Variants in CACNG4 observed in about 807,000 individuals in gnomAD.
CACNG4 encodes the protein calcium voltage-gated channel auxiliary subunit gamma 4.
Under a neutral mutation model 22.9 loss-of-function variants are expected in CACNG4, and 8 were observed. The observed-to-expected ratio is 0.35, with a 90% CI of 0.21 to 0.63. The LOEUF is 0.63. Ranked by LOEUF, CACNG4 falls within the 30% of genes least tolerant of loss-of-function variation. The pLI, the probability that CACNG4 is intolerant of heterozygous loss-of-function variation, is 0.72. For synonymous variants in CACNG4, 188 were observed against 191.9 expected, an observed-to-expected ratio of 0.98 and a Z score of 0.17; for missense variants, 357 against 455.4, an observed-to-expected ratio of 0.78 and a Z score of 1.97.
At chr17:66,980,541 C>CA (rs2035265488) in intron 1 of CACNG4, among the ~76,000 whole-genome samples, 2 of 151,120 alleles carry the variant, frequency 1.3e-5, no homozygotes, top group Admixed American at 1.3e-4. Flanking sequence ...TTCATTGCAC[C>CA]AAAAATCTTC....
chr17:67,032,022 A>C lies in CACNG4; in HGVS notation c.*1018A>C, dbSNP rs1192599111. On this transcript the variant is annotated 3_prime_UTR_variant, in exon 4 of 4. Transcript: ENST00000262138. ...AACATCCATTTCCTAGGTGGTTACA[A>C]ATCATAACTTCCTGCAAATCAACGC... 2 of 452,784 alleles carry C rather than the reference A, an allele frequency of 4.4e-6. No individual in the cohort carries two copies. Among genetic ancestry groups the C allele is most frequent in the Admixed American group, 4.8e-5 (2 of 41,610 alleles). 28.0% of individuals were successfully genotyped at this position (452,784 alleles called of 1,614,324 possible). A position where few individuals can be genotyped will look rare whatever the true frequency, so the allele number is the denominator to read the frequency against.
intron 1 of CACNG4, among the ~76,000 whole-genome samples, chr17:67,006,375 C>T (rs2035437994): frequency 6.6e-6 from 1 of 152,176 alleles, no homozygotes; most frequent in South Asian, 2.1e-4. Context: ...CGGCTGATGG[C>T]ATGAAATCCA....
At chr17:66,970,897 G>C (rs2035200297) in intron 1 of CACNG4, among the ~76,000 whole-genome samples, 1 of 152,192 alleles carries the variant, frequency 6.6e-6, no homozygotes, top group South Asian at 2.1e-4. Flanking sequence ...AAAATCAGCA[G>C]ATCTTTAAAA....
chr17:67,007,988 G>C (rs1432262380), intron 1 of CACNG4, among the ~76,000 whole-genome samples: 2 of 152,102 alleles, frequency 1.3e-5, no homozygotes, highest in Non-Finnish European at 2.9e-5. Context: ...TTGGACAACT[G>C]GGTCACAGGC....
rs1343281785 is a variant in CACNG4 at position 66,995,647 on chromosome 17, C to T, written c.221-22542C>T. The stretch of plus-strand genomic sequence containing the variant: ...CAGGCAGATCATGAGGTCAGGAGTT[C>T]GAGACCAGCCTGACCAAGATGGTGA... On this transcript the variant is annotated intron_variant, in intron 1 of 3. Transcript: ENST00000262138. Among the ~76,000 whole-genome samples, 5 of 152,126 alleles carry T rather than the reference C, an allele frequency of 3.3e-5. No individual in the cohort carries two copies. The East Asian group carries it at 5.8e-4, about 18-fold the overall frequency.
intron 2 of CACNG4, among the ~76,000 whole-genome samples, chr17:67,023,575 CT>C (rs34734003): frequency 1.2e-3 from 158 of 133,444 alleles, no homozygotes; most frequent in African/African-American, 3.2e-3. Flanking sequence ...GCGCCCAGCC[CT>C]TTTTTTTTTT....
intron 2 of CACNG4, among the ~76,000 whole-genome samples, chr17:67,018,771 A>G (rs1403067832): frequency 6.6e-6 from 1 of 151,962 alleles, no homozygotes; most frequent in Admixed American, 6.6e-5. Flanking sequence ...GTGCTGGGAG[A>G]CCCAGGGGAG....
intron 1 of CACNG4, among the ~76,000 whole-genome samples, chr17:66,991,084 C>T (rs899736506): frequency 3.3e-5 from 5 of 152,120 alleles, no homozygotes; most frequent in Admixed American, 2.0e-4. Context: ...GCTAGGAGCT[C>T]GGTGAATGGC....
At chr17:66,998,530 A>C (rs932240044) in intron 1 of CACNG4, among the ~76,000 whole-genome samples, 1 of 152,206 alleles carries the variant, frequency 6.6e-6, no homozygotes, top group Non-Finnish European at 1.5e-5. Context: ...CCTGAGCCTC[A>C]GACTGAAAAC....
rs771435689 is a variant in CACNG4, at chr17:67,031,541, C to G, written c.*537C>G. ...TCACTCCCTTCCTCTCCATCTCTCC[C>G]TCTCTCCAAGACTCTGGCAGTGGCC... On this transcript the variant is annotated 3_prime_UTR_variant, in exon 4 of 4. Transcript: ENST00000262138. This position sits in a 1 kb window ranked among gnomAD's most constrained non-coding sequence, Gnocchi z 4.0. 17 of 457,108 alleles carry G rather than the reference C, an allele frequency of 3.7e-5. No individual in the cohort carries two copies. Among genetic ancestry groups the G allele is most frequent in the South Asian group, 2.6e-4 (17 of 64,570 alleles). The allele number at this position is 457,108 out of a possible 1,614,324, so 28.3% of individuals were successfully genotyped here. A position where few individuals can be genotyped will look rare whatever the true frequency, so the allele number is the denominator to read the frequency against.
At chr17:66,968,024 G>T (rs1286913766) in intron 1 of CACNG4, among the ~76,000 whole-genome samples, 1 of 152,154 alleles carries the variant, frequency 6.6e-6, no homozygotes, top group East Asian at 1.9e-4. Flanking sequence ...ACTCAAGTGT[G>T]CAGAGCCTTG....
At chr17:66,986,778 C>A (rs1355687865) in intron 1 of CACNG4, among the ~76,000 whole-genome samples, 2 of 152,166 alleles carry the variant, frequency 1.3e-5, no homozygotes, top group Non-Finnish European at 2.9e-5. Context: ...CTTCACATGG[C>A]GTTTTCCCTG....
chr17:67,012,131 G>A (rs2035471968), intron 1 of CACNG4, among the ~76,000 whole-genome samples: 2 of 152,204 alleles, frequency 1.3e-5, no homozygotes, highest in Non-Finnish European at 1.5e-5. Context: ...GAGGAGCACT[G>A]GACAAGGAAT....
rs549021391 is a variant in CACNG4 at position 67,031,008 on chromosome 17, G to A, written c.*4G>A. 2.4e-5 allele frequency: 38 copies of A among 1,604,818 alleles called. No homozygotes were observed. The highest frequency in any genetic ancestry group is 1.7e-4 in the Middle Eastern group (1 of 6,022). On this transcript the variant is annotated 3_prime_UTR_variant, in exon 4 of 4. Transcript: ENST00000262138. The surrounding 1 kb of genome is among the most constrained non-coding windows in gnomAD (Gnocchi z 4.0). ...CCGACGGACGACCCCTGTGTGAGCC[G>A]CCTGCCCTTTCTCTCCGCTCCAGCC...
At chr17:66,988,251 G>A (rs184509023) in intron 1 of CACNG4, among the ~76,000 whole-genome samples, 1 of 152,202 alleles carries the variant, frequency 6.6e-6, no homozygotes, top group Admixed American at 6.5e-5. Context: ...GGAAGACCCA[G>A]GCTGGAGCAC....
At chr17:66,990,773 C>G (rs974118794) in intron 1 of CACNG4, among the ~76,000 whole-genome samples, 16 of 152,060 alleles carry the variant, frequency 1.1e-4, no homozygotes, top group African/African-American at 2.9e-4. Context: ...CTCCGCCTCA[C>G]GGATTCACAC....
chr17:66,998,261 C>T (rs1005336525), intron 1 of CACNG4, among the ~76,000 whole-genome samples: 2 of 152,098 alleles, frequency 1.3e-5, no homozygotes, highest in Non-Finnish European at 2.9e-5. Flanking sequence ...CTTGCTCTGT[C>T]CCCCAGGCTG....
intron 1 of CACNG4, among the ~76,000 whole-genome samples, chr17:66,992,709 G>A (rs900541349): frequency 2.6e-5 from 4 of 152,224 alleles, no homozygotes; most frequent in South Asian, 4.1e-4. Flanking sequence ...CGTTTGCACC[G>A]GTTTCTCTGT....
chr17:66,997,678 G>A (rs946782006), intron 1 of CACNG4, among the ~76,000 whole-genome samples: 6 of 152,138 alleles, frequency 3.9e-5, no homozygotes, highest in African/African-American at 1.2e-4. Flanking sequence ...TTAGCTGGGC[G>A]TGGTAGCACA....
Sources: gnomAD v4.1 joint callset for allele counts (sites outside exome capture counted in the v4.1 genomes callset) on GRCh38, gnomAD v4.1.1 for gene constraint, Gnocchi (gnomAD v3.1) non-coding constraint, MANE v1.5 for transcripts, NCBI Gene and HGNC (gene_info 2026-07-23, HGNC 2026-07-21) for gene names.